Variants in MCCC1 observed in about 807,000 individuals in gnomAD.
The protein encoded by MCCC1 is methylcrotonyl-CoA carboxylase subunit 1.
In MCCC1, 64 loss-of-function variants were observed where a neutral mutation model predicts 83.8. The ratio of observed to expected loss-of-function variants is 0.76; its 90% CI spans 0.62 to 0.94. The LOEUF (loss-of-function observed/expected upper bound fraction) is 0.94, where lower values mean the gene tolerates loss of function less well. Among genes scored for constraint, MCCC1 ranks in the 40% least tolerant of loss-of-function variants. The pLI is 0.00. For synonymous variants in MCCC1, 322 were observed against 315.4 expected, an observed-to-expected ratio of 1.02 and a Z score of -0.22; for missense variants, 807 against 904.7, an observed-to-expected ratio of 0.89 and a Z score of 1.39.
intron 4 of MCCC1, among the ~76,000 whole-genome samples, chr3:183,083,884 G>A (rs915320815): frequency 5.3e-5 from 8 of 152,224 alleles, no homozygotes; most frequent in African/African-American, 1.9e-4. Flanking sequence ...TGCAGGGCAA[G>A]AAAGTTCTAC....
At chr3:183,050,233 G>T (rs1426823607) in intron 9 of MCCC1, among the ~76,000 whole-genome samples, 1 of 152,084 alleles carries the variant, frequency 6.6e-6, no homozygotes, top group African/African-American at 2.4e-5. Context: ...ATTTATTAAA[G>T]AGATTAAGTC....
At chr3:183,096,352 A>G (rs575815028) in intron 1 of MCCC1, among the ~76,000 whole-genome samples, 184 of 152,212 alleles carry the variant, frequency 1.2e-3, no homozygotes, top group African/African-American at 4.4e-3. Flanking sequence ...AAAAATAAAT[A>G]AATAAATAAA....
chr3:183,066,233 G>A (rs986459013), intron 7 of MCCC1, among the ~76,000 whole-genome samples: 3 of 152,100 alleles, frequency 2.0e-5, no homozygotes, highest in Non-Finnish European at 4.4e-5. Context: ...GTTTTTAACT[G>A]TGGCTGCCCT....
At chr3:183,058,620 C>T (rs950836537) in intron 7 of MCCC1, among the ~76,000 whole-genome samples, 9 of 152,086 alleles carry the variant, frequency 5.9e-5, no homozygotes, top group Admixed American at 5.9e-4. Flanking sequence ...TAAAGTCAGA[C>T]CCCATCTCTA....
At chr3:183,045,870 C>T (rs940554561) in intron 9 of MCCC1, among the ~76,000 whole-genome samples, 23 of 152,184 alleles carry the variant, frequency 1.5e-4, no homozygotes. Context: ...GAGCCTCATA[C>T]CATGACATCC....
At chr3:183,070,749 T>C (rs1313383957) in intron 7 of MCCC1, among the ~76,000 whole-genome samples, 3 of 151,264 alleles carry the variant, frequency 2.0e-5, no homozygotes, top group Non-Finnish European at 4.4e-5. Flanking sequence ...AAAAAAAAAA[T>C]TCTATTCACT....
At chr3:183,087,112 T>C (rs1277706771) in intron 3 of MCCC1, among the ~76,000 whole-genome samples, 1 of 152,294 alleles carries the variant, frequency 6.6e-6, no homozygotes, top group South Asian at 2.1e-4. Flanking sequence ...ACCTTAAATG[T>C]ATTCAAGGCC....
chr3:183,087,639 C>A (rs917683930), intron 3 of MCCC1, among the ~76,000 whole-genome samples: 1 of 151,894 alleles, frequency 6.6e-6, no homozygotes, highest in African/African-American at 2.4e-5. Flanking sequence ...AAGGCCAAGG[C>A]GGGCGGATCA....
At chr3:183,079,471 C>A (rs1717328666) in intron 4 of MCCC1, among the ~76,000 whole-genome samples, 1 of 152,236 alleles carries the variant, frequency 6.6e-6, no homozygotes, top group Non-Finnish European at 1.5e-5. Flanking sequence ...CCATGTCTCG[C>A]ATCTGGATCA....
At chr3:183,108,425 A>G (rs1484417507) in intron 1 of MCCC1, among the ~76,000 whole-genome samples, 1 of 152,210 alleles carries the variant, frequency 6.6e-6, no homozygotes, top group Non-Finnish European at 1.5e-5. Context: ...TAACTTTATC[A>G]CTTGATTAAA....
intron 18 of MCCC1, chr3:183,016,111 TAA>T: frequency 5.9e-6 from 1 of 169,356 alleles, no homozygotes; most frequent in Non-Finnish European, 1.3e-5. Context: ...GTATTTTTAG[TAA>T]AGACGGGGTT....
intron 17 of MCCC1, chr3:183,017,588 C>A (rs1233827001): frequency 9.8e-6 from 5 of 508,136 alleles, no homozygotes; most frequent in African/African-American, 3.9e-5. Flanking sequence ...CTGCCAAATG[C>A]ACTGGTCAAA....
At chr3:183,062,057 T>G (rs1715875108) in intron 7 of MCCC1, among the ~76,000 whole-genome samples, 1 of 152,198 alleles carries the variant, frequency 6.6e-6, no homozygotes, top group African/African-American at 2.4e-5. Context: ...CTTGCTGTCA[T>G]GTAAGACACG....
At chr3:183,113,926 A>G (rs964384881) in intron 1 of MCCC1, among the ~76,000 whole-genome samples, 1 of 152,062 alleles carries the variant, frequency 6.6e-6, no homozygotes, top group Non-Finnish European at 1.5e-5. Flanking sequence ...TTGGGGGGTG[A>G]GCCCTCAACC....
At chr3:183,086,844 A>G in intron 3 of MCCC1, 56 bp from the exon 4 acceptor site, 5 of 1,419,872 alleles carry the variant, frequency 3.5e-6, no homozygotes, top group Non-Finnish European at 4.9e-6. Flanking sequence ...ATACTCATAC[A>G]CTATACAGAA....
At chr3:183,070,649 C>T (rs1716593349) in intron 7 of MCCC1, among the ~76,000 whole-genome samples, 1 of 151,924 alleles carries the variant, frequency 6.6e-6, no homozygotes, top group African/African-American at 2.4e-5. Context: ...AGGACAATCG[C>T]TTGAACTCGG....
chr3:183,030,880 T>C (rs1445660112), intron 14 of MCCC1, among the ~76,000 whole-genome samples: 1 of 152,244 alleles, frequency 6.6e-6, no homozygotes, highest in East Asian at 1.9e-4. Context: ...TTACTCTTCT[T>C]ATCAGAAAGT....
At chr3:183,052,347 C>A in intron 8 of MCCC1, 107 bp from the exon 9 acceptor site, 1 of 886,948 alleles carries the variant, frequency 1.1e-6, no homozygotes, top group Non-Finnish European at 1.8e-6. Flanking sequence ...TCTTAGTCAA[C>A]AACAGACCAC....
chr3:183,057,241 T>C, intron 8 of MCCC1, 70 bp downstream of exon 8: 1 of 1,244,262 alleles, frequency 8.0e-7, no homozygotes, highest in Non-Finnish European at 1.2e-6. Flanking sequence ...ATTCACAGAT[T>C]TCTGATGTGA....
Sources: gnomAD v4.1 joint callset for allele counts (sites outside exome capture counted in the v4.1 genomes callset) on GRCh38, gnomAD v4.1.1 for gene constraint, MANE v1.5 for transcripts, NCBI Gene and HGNC (gene_info 2026-07-23, HGNC 2026-07-21) for gene names.